Variants in C2CD3 observed in about 807,000 individuals in gnomAD.
C2CD3 encodes C2 domain containing 3 centriole elongation regulator.
Under a neutral mutation model 234.0 loss-of-function variants are expected in C2CD3, and 148 were observed. The ratio of observed to expected loss-of-function variants is 0.63; its 90% CI spans 0.55 to 0.72. C2CD3 has a LOEUF of 0.72. C2CD3 is among the 30% of genes least tolerant of loss of function. The probability of loss-of-function intolerance (pLI) is 0.00; values close to 1 mark genes in which losing one functional copy is unlikely to be tolerated. For synonymous variants in C2CD3, 1,000 were observed against 1,035.4 expected (o/e 0.97, Z 0.66); for missense variants, 2,577 against 2,811.5 (o/e 0.92, Z 1.89).
intron 24 of C2CD3, among the ~76,000 whole-genome samples, chr11:74,068,715 C>G (rs1238641567): frequency 1.3e-5 from 2 of 152,170 alleles, no homozygotes; most frequent in Admixed American, 6.6e-5. Flanking sequence ...TCTCAAACCA[C>G]CTTCCACAGT....
intron 5 of C2CD3, among the ~76,000 whole-genome samples, chr11:74,136,078 G>C (rs1297246796): frequency 6.6e-6 from 1 of 151,274 alleles, no homozygotes; most frequent in Non-Finnish European, 1.5e-5. Context: ...AATATACCCA[G>C]GAAAGAAACC....
intron 7 of C2CD3, among the ~76,000 whole-genome samples, chr11:74,127,801 T>C (rs1473191261): frequency 1.3e-5 from 2 of 152,128 alleles, no homozygotes; most frequent in African/African-American, 2.4e-5. Context: ...GGGTGTGAAG[T>C]AGTATCTCAT....
At chr11:74,016,166 A>G (rs1263597560) in intron 32 of C2CD3, among the ~76,000 whole-genome samples, 5 of 152,242 alleles carry the variant, frequency 3.3e-5, no homozygotes, top group African/African-American at 1.2e-4. Flanking sequence ...CAACAGGCAG[A>G]CGTGGTTCCT....
chr11:74,075,752 G>C (rs1213093090), intron 23 of C2CD3, among the ~76,000 whole-genome samples: 1 of 152,050 alleles, frequency 6.6e-6, no homozygotes, highest in African/African-American at 2.4e-5. Context: ...GGAAAATAAG[G>C]GCAGGTCATT....
chr11:74,093,516 G>A (rs1334561840), intron 18 of C2CD3, among the ~76,000 whole-genome samples: 2 of 151,804 alleles, frequency 1.3e-5, no homozygotes, highest in Non-Finnish European at 2.9e-5. Context: ...AAGGCAGTAA[G>A]GGACGCACAA....
chr11:74,083,300 A>C (rs1453416537), intron 22 of C2CD3, among the ~76,000 whole-genome samples: 1 of 152,250 alleles, frequency 6.6e-6, no homozygotes, highest in Non-Finnish European at 1.5e-5. Flanking sequence ...TTCAAGATGG[A>C]TTAAAGATTT....
At chr11:74,021,491 A>G (rs1206429772) in intron 32 of C2CD3, among the ~76,000 whole-genome samples, 1 of 152,190 alleles carries the variant, frequency 6.6e-6, no homozygotes, top group East Asian at 1.9e-4. Flanking sequence ...AGTCTTCAGC[A>G]TATAGAAGAA....
At chr11:74,124,675 G>A (rs1290108403) in intron 7 of C2CD3, among the ~76,000 whole-genome samples, 1 of 152,154 alleles carries the variant, frequency 6.6e-6, no homozygotes, top group Non-Finnish European at 1.5e-5. Flanking sequence ...AGTCGACATG[G>A]CCTCTCTGCA....
chr11:74,084,955 C>A lies in C2CD3; in HGVS notation c.3926G>T (p.Ser1309Ile), dbSNP rs886920889. The A allele has an allele frequency of 1.9e-6, 3 of 1,607,306 alleles. No individual in the cohort carries two copies. In the African/African-American group the frequency reaches 4.0e-5, roughly 21 times the overall value. Reference protein sequence around the residue: ...ENTKSASDIISIESCKEYLLG... With the variant: ...ENTKSASDIIIIESCKEYLLG... ...CAGATACTCTTTGCATGACTCAATA[C>A]TGATTATATCACTTGCTGTTAAATC... is the stretch of plus-strand genomic sequence containing the variant. The change falls in exon 22 of 33, where the codon AGT becomes ATT. Residue 1309 changes from serine to isoleucine, a missense_variant. Transcript: ENST00000334126.
intron 32 of C2CD3, among the ~76,000 whole-genome samples, chr11:74,017,679 G>C (rs913270847): frequency 2.0e-5 from 3 of 152,202 alleles, no homozygotes; most frequent in African/African-American, 7.2e-5. Flanking sequence ...CATCTGAATG[G>C]GATCAGGATG....
chr11:74,103,090 C>A (rs199782613), intron 14 of C2CD3, 41 bp downstream of exon 14: 1 of 1,555,766 alleles, frequency 6.4e-7, no homozygotes, highest in Non-Finnish European at 8.7e-7. Flanking sequence ...TTGTCTCTCA[C>A]CCCTATATTC....
intron 28 of C2CD3, among the ~76,000 whole-genome samples, chr11:74,045,792 C>T (rs765443630): frequency 1.3e-4 from 20 of 152,048 alleles, no homozygotes; most frequent in African/African-American, 4.1e-4. Context: ...AGGCTGGTCT[C>T]GAACTCCTGA....
At chr11:74,053,689 T>C (rs1591344661) in intron 26 of C2CD3, among the ~76,000 whole-genome samples, 1 of 152,082 alleles carries the variant, frequency 6.6e-6, no homozygotes, top group Non-Finnish European at 1.5e-5. Flanking sequence ...CATACAAACG[T>C]GGGGGGAAGC....
At chr11:74,061,481 C>T (rs538003518) in intron 24 of C2CD3, among the ~76,000 whole-genome samples, 65 of 152,282 alleles carry the variant, frequency 4.3e-4, no homozygotes, top group African/African-American at 1.4e-3. Flanking sequence ...TCAACATTCT[C>T]AAAGAAAAGA....
chr11:74,091,543 C>G (rs867848246), intron 19 of C2CD3, among the ~76,000 whole-genome samples: 1 of 152,158 alleles, frequency 6.6e-6, no homozygotes, highest in African/African-American at 2.4e-5. Flanking sequence ...GGCTAAACTT[C>G]GTTATCTGAT....
chr11:74,111,214 C>T (rs1956729582), intron 11 of C2CD3, among the ~76,000 whole-genome samples: 1 of 152,088 alleles, frequency 6.6e-6, no homozygotes, highest in African/African-American at 2.4e-5. Flanking sequence ...CTCTTTACGT[C>T]CTGATATGCA....
At chr11:74,147,339 C>T (rs1394602306) in intron 3 of C2CD3, among the ~76,000 whole-genome samples, 2 of 152,048 alleles carry the variant, frequency 1.3e-5, no homozygotes, top group Non-Finnish European at 2.9e-5. Context: ...ATCACTTGAG[C>T]CCAGGAGGTC....
At chr11:74,051,762 A>G (rs1208773827) in intron 26 of C2CD3, among the ~76,000 whole-genome samples, 1 of 152,170 alleles carries the variant, frequency 6.6e-6, no homozygotes, top group African/African-American at 2.4e-5. Flanking sequence ...TAATCATACT[A>G]TACTGTACTT....
In C2CD3 at chr11:74,168,330, A is replaced by G; in HGVS notation, c.325+14T>C. 1 of 1,607,928 alleles carries G rather than the reference A, an allele frequency of 6.2e-7. No homozygotes were observed. The highest frequency in any genetic ancestry group is 8.5e-7 in the Non-Finnish European group (1 of 1,174,410). On this transcript the variant is annotated intron_variant, in intron 2 of 32. Coordinates refer to ENST00000334126, the MANE Select transcript of C2CD3 (RefSeq NM_001286577.2). ...TATTACGTCTGCAGGTGCAATGATAAAACAATAACATACCTGTTAGATAAG... is the reference window on the plus strand; with the variant it reads ...TATTACGTCTGCAGGTGCAATGATAGAACAATAACATACCTGTTAGATAAG...
Sources: gnomAD v4.1 joint callset for allele counts (sites outside exome capture counted in the v4.1 genomes callset) on GRCh38, gnomAD v4.1.1 for gene constraint, MANE v1.5 for transcripts, NCBI Gene and HGNC (gene_info 2026-07-23, HGNC 2026-07-21) for gene names.